Variants in FANCM observed in about 807,000 individuals in gnomAD.
FANCM encodes the protein FA complementation group M, also known as Fanconi anemia group M protein.
Under a neutral mutation model 199.5 loss-of-function variants are expected in FANCM, and 140 were observed. The ratio of observed to expected loss-of-function variants is 0.70; its 90% CI spans 0.61 to 0.81. The LOEUF (loss-of-function observed/expected upper bound fraction) is 0.81. FANCM is among the 30% of genes least tolerant of loss of function. FANCM has a pLI of 0.00. For synonymous variants in FANCM, 840 were observed against 836.8 expected (o/e 1.00, Z -0.07); for missense variants, 2,410 against 2,421.4 (o/e 1.00, Z 0.10).
intron 20 of FANCM, among the ~76,000 whole-genome samples, chr14:45,189,841 C>G (rs1326984379): frequency 1.3e-5 from 2 of 151,978 alleles, no homozygotes; most frequent in East Asian, 3.9e-4. Flanking sequence ...GGTTGCGTAT[C>G]CCTGTAGTCC....
chr14:45,144,028 C>T (rs542177663), intron 3 of FANCM, among the ~76,000 whole-genome samples: 28 of 150,370 alleles, frequency 1.9e-4, no homozygotes, highest in African/African-American at 6.2e-4. Flanking sequence ...CTGTGGCAGC[C>T]TTTTAAAACT....
At chr14:45,199,078 T>C (rs1890226884) in intron 22 of FANCM, 143 bp downstream of exon 22, 1 of 647,926 alleles carries the variant, frequency 1.5e-6, no homozygotes, top group Non-Finnish European at 2.6e-6. Flanking sequence ...CCTGCCAACA[T>C]ATATTAGTTA....
chr14:45,159,193 G>C lies in FANCM; in HGVS notation c.1494G>C (p.Gln498His). 2 of 1,613,488 alleles carry C rather than the reference G, an allele frequency of 1.2e-6. No homozygotes were observed. The highest frequency in any genetic ancestry group is 2.2e-5 in the South Asian group (2 of 91,050). The change falls in exon 9 of 23, where the codon CAG becomes CAC. Residue 498 changes from glutamine to histidine, a missense_variant. By Grantham distance (24) the Gln-to-His change is conservative. Coordinates refer to ENST00000267430, the MANE Select transcript of FANCM (RefSeq NM_020937.4). Reference protein sequence around the residue: ...SVQEIAEMLSQHQPIIRVMTF... With the variant: ...SVQEIAEMLSHHQPIIRVMTF... ...AAGAAATTGCAGAAATGCTTTCACA[G>C]CATCAGCCAATTATTAGAGTAATGA... is the stretch of plus-strand genomic sequence containing the variant.
chr14:45,164,658 A>G, intron 10 of FANCM, 93 bp downstream of exon 10: 2 of 981,140 alleles, frequency 2.0e-6, no homozygotes, highest in Non-Finnish European at 3.1e-6. Flanking sequence ...CCAAGTCCAA[A>G]CACTCTGTAG....
intron 9 of FANCM, among the ~76,000 whole-genome samples, chr14:45,162,668 G>C (rs1887687543): frequency 6.6e-6 from 1 of 152,056 alleles, no homozygotes; most frequent in South Asian, 2.1e-4. Context: ...ATCAAGCAGA[G>C]ATATTGGATA....
chr14:45,137,303 A>G, intron 2 of FANCM, 62 bp downstream of exon 2: 1 of 1,356,088 alleles, frequency 7.4e-7, no homozygotes, highest in East Asian at 2.3e-5. Context: ...AATTTTGGCG[A>G]ATAGTTACTA....
intron 19 of FANCM, 97 bp downstream of exon 19, chr14:45,187,984 G>A (rs1889512331): frequency 1.4e-6 from 1 of 719,416 alleles, no homozygotes. Context: ...AAACTGGGCT[G>A]TCAGAGCTAT....
At chr14:45,174,303 C>T (rs946489267) in intron 13 of FANCM, among the ~76,000 whole-genome samples, 1 of 151,824 alleles carries the variant, frequency 6.6e-6, no homozygotes, top group African/African-American at 2.4e-5. Context: ...AGGAGAGTCA[C>T]TTGAACCCGG....
chr14:45,154,776 A>G lies in FANCM; in HGVS notation c.1263A>G (p.Ala421=). 1 of 1,607,344 alleles carries G rather than the reference A, an allele frequency of 6.2e-7. No individual in the cohort carries two copies. Among genetic ancestry groups the G allele is most frequent in the Non-Finnish European group, 8.5e-7 (1 of 1,175,240 alleles). Residue 421 remains alanine (A), a synonymous_variant, in exon 7 of 23, where the codon GCA becomes GCG. Transcript: ENST00000267430. ...ATAATCATCTAGAGTGTATGTTTGC[A>G]CGTACACGTAGTACTTCAGCAAATG... ...KLYNHLECMF[A]RTRSTSANGI...
chr14:45,196,574 A>G, intron 21 of FANCM, 27 bp downstream of exon 21: 1 of 1,604,202 alleles, frequency 6.2e-7, no homozygotes, highest in Non-Finnish European at 8.5e-7. Flanking sequence ...ATCTTTGTTT[A>G]TAAGACTGTA....
At chr14:45,138,681 G>A (rs1425567560) in intron 2 of FANCM, among the ~76,000 whole-genome samples, 1 of 152,100 alleles carries the variant, frequency 6.6e-6, no homozygotes. Flanking sequence ...TGAAGATTTA[G>A]CTGGTAATTA....
chr14:45,158,944 C>CT (rs1887382389), intron 8 of FANCM, 152 bp from the exon 9 acceptor site: 1 of 574,774 alleles, frequency 1.7e-6, no homozygotes, highest in African/African-American at 1.9e-5. Flanking sequence ...GTAGCTGGGA[C>CT]TATAGGTGTG....
At chr14:45,168,313 AATT>A in intron 11 of FANCM, among the ~76,000 whole-genome samples, 1 of 152,274 alleles carries the variant, frequency 6.6e-6, no homozygotes, top group African/African-American at 2.4e-5. Context: ...AGATTTTGCC[AATT>A]ATTTGGTTAA....
chr14:45,186,583 G>T (rs1282164476), intron 18 of FANCM, among the ~76,000 whole-genome samples: 1 of 152,146 alleles, frequency 6.6e-6, no homozygotes, highest in Non-Finnish European at 1.5e-5. Context: ...TGTTTAAAAG[G>T]CAATGTTCTC....
At chr14:45,155,290 GA>G (rs1887099335) in intron 7 of FANCM, 82 bp from the exon 8 acceptor site, 1 of 644,748 alleles carries the variant, frequency 1.6e-6, no homozygotes, top group South Asian at 1.7e-5. Context: ...ATATGCATTG[GA>G]AAAGATAACT....
intron 19 of FANCM, 130 bp downstream of exon 19, chr14:45,188,017 T>A: frequency 1.5e-6 from 1 of 660,266 alleles, no homozygotes; most frequent in Admixed American, 2.4e-5. Flanking sequence ...CTGCCCAAAG[T>A]CAGGAAGCTC....
chr14:45,138,484 CAAATT>C (rs1183891005), intron 2 of FANCM, among the ~76,000 whole-genome samples: 1 of 151,722 alleles, frequency 6.6e-6, no homozygotes, highest in Non-Finnish European at 1.5e-5. Context: ...GATATCATTC[CAAATT>C]AAATTAATAC....
At position 45,173,153 on chromosome 14, in the gene FANCM, T is replaced by C; in HGVS notation, c.2259T>C (p.Asp753=). The change falls in exon 13 of 23, where the codon GAT becomes GAC. Residue 753 remains aspartate (D), a synonymous_variant. Transcript: ENST00000267430. The part of the protein sequence containing the change: ...PLPTHQVDHS[D]RCRHFIGLMQ... ...CTACACATCAAGTTGATCACTCAGA[T>C]CGATGCCGCCATTTTATAGGCCTTA... The C allele has an allele frequency of 6.2e-7, 1 of 1,613,794 alleles. No individual in the cohort carries two copies. Among genetic ancestry groups the C allele is most frequent in the Non-Finnish European group, 8.5e-7 (1 of 1,179,732 alleles).
At chr14:45,154,597 A>G (rs1887051259) in intron 6 of FANCM, 100 bp from the exon 7 acceptor site, 1 of 870,466 alleles carries the variant, frequency 1.1e-6, no homozygotes, top group African/African-American at 1.7e-5. Context: ...ACACTTGAAA[A>G]ACTTACATTC....
Sources: allele counts gnomAD v4.1 joint callset (sites outside exome capture counted in the v4.1 genomes callset), GRCh38; gene constraint gnomAD v4.1.1; transcripts MANE v1.5; gene names NCBI Gene and HGNC (gene_info 2026-07-23, HGNC 2026-07-21).